PHF20: variants seen among roughly 807,000 people sequenced by gnomAD.
The protein encoded by PHF20 is glioma-expressed antigen 2.
PHF20 carries 23 observed loss-of-function variants against 113.5 expected under a neutral mutation model. The observed-to-expected ratio is 0.20, with a 90% CI of 0.15 to 0.29. The LOEUF (loss-of-function observed/expected upper bound fraction) is 0.29, where lower values mean the gene tolerates loss of function less well. Among genes scored for constraint, PHF20 ranks in the 10% least tolerant of loss-of-function variants. The pLI is 1.00. For missense variants in PHF20, 943 were observed against 1,219.6 expected, an observed-to-expected ratio of 0.77 and a Z score of 3.38; for synonymous variants, 434 against 457.3, an observed-to-expected ratio of 0.95 and a Z score of 0.65.
At chr20:35,800,737 C>G (rs1469210626) in intron 1 of PHF20, among the ~76,000 whole-genome samples, 3 of 152,236 alleles carry the variant, frequency 2.0e-5, no homozygotes, top group African/African-American at 4.8e-5. Flanking sequence ...CACCACTGCA[C>G]TCAGCCTGGG....
At chr20:35,815,686 C>T (rs1452487779) in intron 2 of PHF20, among the ~76,000 whole-genome samples, 7 of 151,876 alleles carry the variant, frequency 4.6e-5, no homozygotes, top group Admixed American at 6.6e-5. Flanking sequence ...AGGATGGTCT[C>T]GGTCTCCTGA....
intron 4 of PHF20, chr20:35,856,292 G>A (rs1297419823): frequency 6.6e-6 from 1 of 152,132 alleles, no homozygotes; most frequent in Non-Finnish European, 1.5e-5. Flanking sequence ...TAATTACCAG[G>A]AATAAAGGTC....
Position 35,899,617 on chromosome 20 carries a change from G to T in PHF20, c.1530G>T (p.Leu510=). The change falls in exon 10 of 18, where the codon CTG becomes CTT. Residue 510 remains leucine (L), a synonymous_variant. Coordinates refer to ENST00000374012, the MANE Select transcript of PHF20 (RefSeq NM_016436.5). ...CAGACAAGCCCAGCCAGGAGACCCT[G>T]ACCAGGAAGCGGGTCTCTGCCAGTT... ...SASDKPSQET[L]TRKRVSASSP... is the part of the protein sequence containing the mutation. 1 of 1,614,130 alleles carries T rather than the reference G, an allele frequency of 6.2e-7. No homozygotes were observed. The highest frequency in any genetic ancestry group is 1.3e-5 in the African/African-American group (1 of 75,056).
chr20:35,827,868 G>A (rs1330670272), intron 2 of PHF20, among the ~76,000 whole-genome samples: 2 of 151,512 alleles, frequency 1.3e-5, no homozygotes, highest in Admixed American at 6.6e-5. Context: ...CCTCTTCCTA[G>A]TCATTCTCTT....
chr20:35,889,009 C>CTTTTTT (rs566960589), intron 9 of PHF20, among the ~76,000 whole-genome samples: 17 of 99,214 alleles, frequency 1.7e-4, no homozygotes, highest in East Asian at 6.4e-4. Context: ...CTCTTAGTTT[C>CTTTTTT]TTTTTTTTTT....
At chr20:35,784,354 AT>A (rs548755818) in intron 1 of PHF20, among the ~76,000 whole-genome samples, 201 of 143,258 alleles carry the variant, frequency 1.4e-3, no homozygotes, top group African/African-American at 4.7e-3. Context: ...ACCCGGCCAC[AT>A]TTTTTTTCCC....
rs1483212657 is a variant in PHF20, at chr20:35,899,391, C to A, written c.1304C>A (p.Thr435Lys). ...TCAGTAACAAATACTTTTAAGAAAA[C>A]AGATGATTTTGGGTCATCTAATGCA... ...TVEVTNTFKKTDDFGSSNAPA... is the reference protein window; with the variant it reads ...TVEVTNTFKKKDDFGSSNAPA... The change falls in exon 10 of 18, where the codon ACA becomes AAA. Residue 435 changes from threonine to lysine, a missense_variant. Around this residue, in one of 3 missense-constraint regions of PHF20, gnomAD observed 592 missense variants for 787.2 expected, o/e 0.75. Transcript: ENST00000374012. 1 of 1,605,870 alleles carries A rather than the reference C, an allele frequency of 6.2e-7. No individual in the cohort carries two copies. The highest frequency in any genetic ancestry group is 8.5e-7 in the Non-Finnish European group (1 of 1,175,092).
rs747075243 is a variant in PHF20 at position 35,871,733 on chromosome 20, G to T, written c.1186G>T (p.Gly396Cys). Residue 396 changes from glycine to cysteine, a missense_variant, in exon 9 of 18, where the codon GGC becomes TGC. Around this residue, in one of 3 missense-constraint regions of PHF20, gnomAD observed 592 missense variants for 787.2 expected, o/e 0.75. Coordinates refer to ENST00000374012, the MANE Select transcript of PHF20 (RefSeq NM_016436.5). ...HSFGDGSGAA[G>C]LELNCPSMGE... ...CTTTGGGGATGGATCCGGGGCTGCA[G>T]GCTTGGAGTTGAACTGCCCATCAAT... is the stretch of plus-strand genomic sequence containing the variant. The T allele has an allele frequency of 1.9e-6, 3 of 1,613,988 alleles. No homozygotes were observed. The highest frequency in any genetic ancestry group is 2.5e-6 in the Non-Finnish European group (3 of 1,179,928).
chr20:35,773,223 G>T (rs1385679626), intron 1 of PHF20, among the ~76,000 whole-genome samples: 1 of 152,106 alleles, frequency 6.6e-6, no homozygotes, highest in Non-Finnish European at 1.5e-5. Context: ...TTAAATTTGG[G>T]GGGCACACCT....
At position 35,947,934 on chromosome 20, in the gene PHF20, C is replaced by T. The variant is rs779647029; in HGVS notation, c.*307C>T. The T allele has an allele frequency of 4.0e-5, 10 of 249,376 alleles. No homozygotes were observed. Among genetic ancestry groups the T allele is most frequent in the East Asian group, 7.7e-5 (1 of 12,982 alleles). The allele number at this position is 249,376 out of a possible 1,614,324, so 15.4% of individuals were successfully genotyped here. On this transcript the variant is annotated 3_prime_UTR_variant, in exon 18 of 18. Coordinates refer to ENST00000374012, the MANE Select transcript of PHF20 (RefSeq NM_016436.5). Reference sequence around the variant, plus strand: ...TTGAAATTGTGCCACTGATGATAAACGGAATGAGAGCCAAAAAAGTTTAGT... The same window carrying T: ...TTGAAATTGTGCCACTGATGATAAATGGAATGAGAGCCAAAAAAGTTTAGT...
At chr20:35,801,016 T>TA (rs1456774163) in intron 1 of PHF20, among the ~76,000 whole-genome samples, 17 of 152,200 alleles carry the variant, frequency 1.1e-4, no homozygotes, top group Non-Finnish European at 1.0e-4. Context: ...TGTAACTCTT[T>TA]AAATTTCATT....
intron 2 of PHF20, among the ~76,000 whole-genome samples, chr20:35,835,893 G>A (rs2042430912): frequency 6.6e-6 from 1 of 152,082 alleles, no homozygotes; most frequent in African/African-American, 2.4e-5. Flanking sequence ...TCACACCACT[G>A]CACTCCAGCC....
chr20:35,855,045 T>G (rs2042801235), intron 4 of PHF20, among the ~76,000 whole-genome samples: 3 of 152,222 alleles, frequency 2.0e-5, no homozygotes, highest in Admixed American at 2.0e-4. Flanking sequence ...GAACTAACTT[T>G]GTTGATAAAA....
At chr20:35,911,948 C>T (rs886686452) in intron 10 of PHF20, among the ~76,000 whole-genome samples, 37 of 151,378 alleles carry the variant, frequency 2.4e-4, no homozygotes, top group Non-Finnish European at 4.4e-4. Context: ...CATGAGCCAC[C>T]GTGCCCGGCT....
Position 35,807,041 on chromosome 20 carries a change from C to T in PHF20, c.83+5436C>T, listed in dbSNP as rs529767657. ...CGATCTCCTGACCTTGTGATCTGCCCGCCTTGGCCTCCCAAAGTGCTGGGA... is the reference window on the plus strand; with the variant it reads ...CGATCTCCTGACCTTGTGATCTGCCTGCCTTGGCCTCCCAAAGTGCTGGGA... On this transcript the variant is annotated intron_variant, in intron 2 of 17. Transcript: ENST00000374012. 5.5e-4 allele frequency among the ~76,000 whole-genome samples: 83 copies of T among 151,928 alleles called. 1 individual carries two copies. Among genetic ancestry groups the T allele is most frequent in the Non-Finnish European group, 3.2e-4 (22 of 67,952 alleles).
chr20:35,836,354 A>G (rs2042439682), intron 2 of PHF20, among the ~76,000 whole-genome samples: 1 of 152,108 alleles, frequency 6.6e-6, no homozygotes. Flanking sequence ...CACAAAAGGT[A>G]TCATAAGATA....
chr20:35,873,714 TG>T (rs1280442548), intron 9 of PHF20, among the ~76,000 whole-genome samples: 3 of 151,946 alleles, frequency 2.0e-5, no homozygotes, highest in African/African-American at 7.2e-5. Flanking sequence ...TGTGTTTTGT[TG>T]TTTTGTTTCT....
intron 10 of PHF20, among the ~76,000 whole-genome samples, chr20:35,910,254 G>T (rs559318577): frequency 5.3e-5 from 8 of 152,132 alleles, no homozygotes; most frequent in Non-Finnish European, 8.8e-5. Context: ...GGGGCTGAGG[G>T]GAAGGGCTTA....
intron 15 of PHF20, among the ~76,000 whole-genome samples, chr20:35,931,862 C>A (rs1469889109): frequency 6.6e-6 from 1 of 151,558 alleles, no homozygotes; most frequent in Non-Finnish European, 1.5e-5. Flanking sequence ...GAGGCGGGAG[C>A]ATCGCTTGAA....
Sources: allele counts gnomAD v4.1 joint callset (sites outside exome capture counted in the v4.1 genomes callset), GRCh38; gene constraint gnomAD v4.1.1; regional missense constraint gnomAD v4.1.1; transcripts MANE v1.5; gene names NCBI Gene and HGNC (gene_info 2026-07-23, HGNC 2026-07-21).